The following CLCC1 variants were observed in gnomAD, a reference collection of about 807,000 sequenced individuals.
CLCC1 encodes chloride channel CLIC like 1.
In CLCC1, 39 loss-of-function variants were observed where a neutral mutation model predicts 63.3. The observed-to-expected ratio is 0.62, with a 90% CI of 0.48 to 0.81. The LOEUF (loss-of-function observed/expected upper bound fraction) is 0.81. CLCC1 is among the 30% of genes least tolerant of loss of function. The probability of loss-of-function intolerance (pLI) is 0.00; values close to 1 mark genes in which losing one functional copy is unlikely to be tolerated. For missense variants in CLCC1, 549 were observed against 669.4 expected, an observed-to-expected ratio of 0.82 and a Z score of 1.98; for synonymous variants, 217 against 239.8, an observed-to-expected ratio of 0.90 and a Z score of 0.88.
intron 11 of CLCC1, among the ~76,000 whole-genome samples, chr1:108,935,408 AGAGAT>A (rs1652756194): frequency 6.6e-6 from 1 of 152,206 alleles, no homozygotes. Context: ...AAAGCAGAGA[AGAGAT>A]GAGTGCTGAA....
Position 108,937,419 on chromosome 1 carries a change from C to A in CLCC1, c.1042-1G>T. 1 of 1,569,902 alleles carries A rather than the reference C, an allele frequency of 6.4e-7. No individual in the cohort carries two copies. The highest frequency in any genetic ancestry group is 8.6e-7 in the Non-Finnish European group (1 of 1,159,022). On this transcript the variant is annotated splice_acceptor_variant, in intron 10 of 12. Transcript: ENST00000369969. LOFTEE classifies it high-confidence loss of function. ...ATTTTCCAGCACCATAGCAGAAACT[C>A]TGTAAGGAAAAGAAATACATTTTCC...
At chr1:108,956,554 G>C (rs1271176814) in intron 2 of CLCC1, among the ~76,000 whole-genome samples, 1 of 150,598 alleles carries the variant, frequency 6.6e-6, no homozygotes. Context: ...CCAGCTACTC[G>C]GGAGGCTGAG....
intron 2 of CLCC1, among the ~76,000 whole-genome samples, chr1:108,953,739 A>G (rs1428739697): frequency 6.6e-6 from 1 of 152,230 alleles, no homozygotes; most frequent in Non-Finnish European, 1.5e-5. Context: ...GGCCAGGTGC[A>G]GTAGCTCACG....
intron 7 of CLCC1, among the ~76,000 whole-genome samples, chr1:108,942,841 C>G (rs1260008922): frequency 2.0e-5 from 3 of 152,086 alleles, no homozygotes; most frequent in Non-Finnish European, 4.4e-5. Flanking sequence ...TCATTTCTAG[C>G]AAAGACATAG....
rs571930662 is a variant in CLCC1, at chr1:108,939,500, A to G, written c.1041+136T>C. On this transcript the variant is annotated intron_variant, in intron 10 of 12. Coordinates refer to ENST00000369969, the MANE Select transcript of CLCC1 (RefSeq NM_001377458.1). ...TTTTTGTATTTTTTTTAGTAGAGAC[A>G]GGGTTTCACTGTGTTAGCCAGGATG... The G allele has an allele frequency of 3.5e-4, 215 of 607,768 alleles. 1 individual carries two copies. The highest frequency in any genetic ancestry group is 2.0e-3 in the African/African-American group (101 of 50,958). 37.6% of individuals were successfully genotyped at this position (607,768 alleles called of 1,614,324 possible). A position where few individuals can be genotyped will look rare whatever the true frequency, so the allele number is the denominator to read the frequency against.
At position 108,943,991 on chromosome 1, in the gene CLCC1, C is replaced by T. The variant is rs1236127951; in HGVS notation, c.406G>A (p.Glu136Lys). 1.2e-6 allele frequency: 2 copies of T among 1,613,604 alleles called. No individual in the cohort carries two copies. The highest frequency in any genetic ancestry group is 2.7e-5 in the African/African-American group (2 of 75,018). ...EIILKRETLL[E>K]IQKFLNGEDW... is the part of the protein sequence containing the mutation. The stretch of plus-strand genomic sequence containing the variant: ...TCTCCATTGAGAAACTTCTGTATTT[C>T]TAACAAAGTTTCTCTTTTAAGGATA... The change falls in exon 6 of 13, where the codon GAA (glutamate) becomes AAA (lysine). Residue 136 changes from glutamate (E) to lysine (K), a missense_variant. Transcript: ENST00000369969.
At position 108,960,806 on chromosome 1, in the gene CLCC1, GC is replaced by G. The variant is rs1656530126; in HGVS notation, c.-12+1502del. ...GAGGGGAAAAAAGGTACTACAGGAG[GC>G]ATTATACAAAGGGAAGTGAATAAAA... is the stretch of plus-strand genomic sequence containing the variant. On this transcript the variant is annotated intron_variant, in intron 2 of 12. Transcript: ENST00000369969. Among the ~76,000 whole-genome samples, 3 of 152,180 alleles carry G rather than the reference GC, an allele frequency of 2.0e-5. No homozygotes were observed. The South Asian group carries it at 6.2e-4, about 32-fold the overall frequency.
chr1:108,943,576 T>C lies in CLCC1; in HGVS notation c.601A>G (p.Thr201Ala), dbSNP rs766469497. Residue 201 changes from threonine to alanine, a missense_variant, in exon 7 of 13, where the codon ACT becomes GCT. Thr to Ala is a moderately conservative substitution (Grantham distance 58, BLOSUM62 0). Transcript: ENST00000369969. Reference sequence around the variant, plus strand: ...CAACGTACATATGTCCACAGCTCAGTAGCCACTAAAACCACGATGCAGAGC... The same window carrying C: ...CAACGTACATATGTCCACAGCTCAGCAGCCACTAAAACCACGATGCAGAGC... ...CLLCIVVLVA[T>A]ELWTYVRWYT... 9 of 1,613,878 alleles carry C rather than the reference T, an allele frequency of 5.6e-6. 1 individual carries two copies. Among genetic ancestry groups the C allele is most frequent in the Admixed American group, 5.0e-5 (3 of 59,950 alleles).
intron 2 of CLCC1, among the ~76,000 whole-genome samples, chr1:108,954,855 G>GTGTGTGTGT (rs1655673911): frequency 9.8e-6 from 1 of 101,654 alleles, no homozygotes; most frequent in African/African-American, 4.1e-5. Flanking sequence ...TGTGTGTGAC[G>GTGTGTGTGT]GAGTTTCGCT....
At chr1:108,939,385 C>T (rs1264242016) in intron 10 of CLCC1, among the ~76,000 whole-genome samples, 1 of 149,628 alleles carries the variant, frequency 6.7e-6, no homozygotes, top group African/African-American at 2.5e-5. Flanking sequence ...CGGCTCACTG[C>T]AAGCTCCGCC....
chr1:108,954,448 C>A (rs572349670), intron 2 of CLCC1, among the ~76,000 whole-genome samples: 1 of 150,914 alleles, frequency 6.6e-6, no homozygotes, highest in African/African-American at 2.5e-5. Flanking sequence ...TGCAGTGAGC[C>A]GAGATCGTGC....
intron 2 of CLCC1, among the ~76,000 whole-genome samples, chr1:108,953,445 C>T (rs1312262990): frequency 6.6e-6 from 1 of 152,178 alleles, no homozygotes; most frequent in Non-Finnish European, 1.5e-5. Flanking sequence ...GACCCAGGCA[C>T]TTCGATCTTT....
chr1:108,952,248 G>A (rs9729608), intron 2 of CLCC1, among the ~76,000 whole-genome samples: 36,619 of 151,090 alleles, frequency 0.24, 4,480 homozygotes, highest in East Asian at 0.36. Flanking sequence ...GCGCAATCTC[G>A]GCTCACTGCA....
chr1:108,959,851 C>T (rs972409360), intron 2 of CLCC1, among the ~76,000 whole-genome samples: 3 of 152,116 alleles, frequency 2.0e-5, no homozygotes, highest in East Asian at 1.9e-4. Flanking sequence ...AGTTTCTGGC[C>T]GGTTGTGGCG....
At chr1:108,939,419 G>A (rs1198396908) in intron 10 of CLCC1, among the ~76,000 whole-genome samples, 1 of 150,206 alleles carries the variant, frequency 6.7e-6, no homozygotes, top group Non-Finnish European at 1.5e-5. Context: ...CCGTTCTCCT[G>A]CCTCAGCCTC....
intron 11 of CLCC1, among the ~76,000 whole-genome samples, chr1:108,936,430 A>C (rs929469613): frequency 9.2e-5 from 14 of 152,188 alleles, no homozygotes; most frequent in African/African-American, 3.4e-4. Context: ...GTTTATTTTT[A>C]TATGAAACTA....
intron 2 of CLCC1, among the ~76,000 whole-genome samples, chr1:108,957,752 T>C (rs1422057521): frequency 6.6e-6 from 1 of 151,350 alleles, no homozygotes; most frequent in Non-Finnish European, 1.5e-5. Flanking sequence ...AAATCTGAAG[T>C]GTCCACTGAT....
chr1:108,943,391 G>T, intron 7 of CLCC1, 84 bp downstream of exon 7: 1 of 1,415,644 alleles, frequency 7.1e-7, no homozygotes, highest in Non-Finnish European at 9.8e-7. Context: ...CACATCCAAG[G>T]CAAGATTGCT....
intron 6 of CLCC1, 106 bp from the exon 7 acceptor site, chr1:108,943,721 C>G (rs910147769): frequency 6.8e-7 from 1 of 1,469,568 alleles, no homozygotes; most frequent in South Asian, 1.2e-5. Flanking sequence ...GTGGCTTGTT[C>G]ATCAATACGG....
Sources: allele counts gnomAD v4.1 joint callset (sites outside exome capture counted in the v4.1 genomes callset), GRCh38; gene constraint gnomAD v4.1.1; transcripts MANE v1.5; gene names NCBI Gene and HGNC (gene_info 2026-07-23, HGNC 2026-07-21).